The following ADGRA1 variants were observed in gnomAD, a reference collection of about 807,000 sequenced individuals.
ADGRA1 encodes G-protein coupled receptor 123.
A neutral mutation model predicts 21.3 loss-of-function variants in ADGRA1; 12 were observed. That is an observed-to-expected ratio of 0.56 (90% CI 0.36 to 0.91). The LOEUF (loss-of-function observed/expected upper bound fraction) is 0.91, where lower values mean the gene tolerates loss of function less well. Among genes scored for constraint, ADGRA1 ranks in the 40% least tolerant of loss-of-function variants. The pLI, the probability that ADGRA1 is intolerant of heterozygous loss-of-function variation, is 0.01. For synonymous variants in ADGRA1, 385 were observed against 368.8 expected, an observed-to-expected ratio of 1.04 and a Z score of -0.50; for missense variants, 790 against 805.6, an observed-to-expected ratio of 0.98 and a Z score of 0.23.
chr10:133,088,600 G>A, intron 1 of ADGRA1, 108 bp from the exon 2 acceptor site: 1 of 653,502 alleles, frequency 1.5e-6, no homozygotes, highest in Non-Finnish European at 2.1e-6. Context: ...CGCCCGCGGA[G>A]GGGAGGGAGC....
Position 133,093,066 on chromosome 10 carries a change from A to G in ADGRA1, c.4-3908A>G, listed in dbSNP as rs373527067. On this transcript the variant is annotated intron_variant, in intron 2 of 6. Coordinates refer to ENST00000392607, the MANE Select transcript of ADGRA1 (RefSeq NM_001083909.3). ...CGGACACCTCACTGTGTAGGAAAGA[A>G]GGTTCCTCAGCCAGTTGGAGCTGCA... The G allele has an allele frequency of 1.9e-5, 31 of 1,593,806 alleles. No individual in the cohort carries two copies. The African/African-American group carries it at 2.0e-4, about 10-fold the overall frequency.
chr10:133,096,109 G>A (rs911715526), intron 2 of ADGRA1, among the ~76,000 whole-genome samples: 1 of 152,346 alleles, frequency 6.6e-6, no homozygotes, highest in African/African-American at 2.4e-5. Context: ...GCACAGACAT[G>A]TTTCCCACAG....
intron 5 of ADGRA1, among the ~76,000 whole-genome samples, chr10:133,115,197 G>A (rs892807760): frequency 6.6e-6 from 1 of 152,090 alleles, no homozygotes; most frequent in Non-Finnish European, 1.5e-5. Context: ...TCGCCTGAGT[G>A]GGGCTGTCCC....
chr10:133,130,805 TCACA>T lies in ADGRA1; in HGVS notation c.*1300_*1303del, dbSNP rs562535064. 4.8e-5 allele frequency: 7 copies of T among 146,186 alleles called. No homozygotes were observed. The highest frequency in any genetic ancestry group is 1.0e-4 in the African/African-American group (4 of 38,964). 9.1% of individuals were successfully genotyped at this position (146,186 alleles called of 1,614,324 possible). A position where few individuals can be genotyped will look rare whatever the true frequency, so the allele number is the denominator to read the frequency against. On this transcript the variant is annotated 3_prime_UTR_variant, in exon 7 of 7. Transcript: ENST00000392607. ...ACACACATGCACACAAACGTGCATA[TCACA>T]CACACGCACACACACCCAAACACGT...
rs772319353 is a variant in ADGRA1, at chr10:133,128,868, C to T, written c.1040C>T (p.Pro347Leu). Residue 347 changes from proline to leucine, a missense_variant, in exon 7 of 7, where the codon CCG becomes CTG. Physicochemically the swap from Pro to Leu is moderately conservative, Grantham distance 98. Transcript: ENST00000392607. ...GGCCGCGCCGCCTGCCTGCACTCGC[C>T]GGGACTGGGCCAGCCACGGGGCTTC... ...ALGRAACLHSPGLGQPRGFAH... is the reference protein window; with the variant it reads ...ALGRAACLHSLGLGQPRGFAH... The T allele has an allele frequency of 8.2e-6, 13 of 1,575,892 alleles. No individual in the cohort carries two copies. Among genetic ancestry groups the T allele is most frequent in the East Asian group, 2.3e-5 (1 of 43,538 alleles).
At position 133,088,889 on chromosome 10, in the gene ADGRA1, T is replaced by G; in HGVS notation, c.-21T>G. 8.1e-7 allele frequency: 1 copy of G among 1,240,304 alleles called. No homozygotes were observed. The highest frequency in any genetic ancestry group is 1.0e-6 in the Non-Finnish European group (1 of 989,254). 76.8% of individuals were successfully genotyped at this position (1,240,304 alleles called of 1,614,324 possible). A position where few individuals can be genotyped will look rare whatever the true frequency, so the allele number is the denominator to read the frequency against. On this transcript the variant is annotated 5_prime_UTR_variant, in exon 2 of 7. Transcript: ENST00000392607. The stretch of plus-strand genomic sequence containing the variant: ...ACGCCTCCTCCAGCGGCGCTCACGC[T>G]TCCGCAACTTTGCAGCGCTCATGGT...
chr10:133,101,407 G>A (rs779095170), intron 4 of ADGRA1, among the ~76,000 whole-genome samples: 2 of 152,228 alleles, frequency 1.3e-5, no homozygotes, highest in Non-Finnish European at 2.9e-5. Context: ...CCCTGGGTCC[G>A]GCGGGGTGGG....
At chr10:133,104,501 G>C (rs1013839820) in intron 5 of ADGRA1, among the ~76,000 whole-genome samples, 5 of 152,204 alleles carry the variant, frequency 3.3e-5, no homozygotes, top group African/African-American at 9.7e-5. Flanking sequence ...GCGGGCCCGG[G>C]GCTCGGCACT....
rs1311111451 is a variant in ADGRA1 at position 133,088,680 on chromosome 10, G to GT, written c.-202-28_-202-27insT. 7.7e-5 allele frequency: 94 copies of GT among 1,217,014 alleles called. No homozygotes were observed. The Middle Eastern group carries it at 1.3e-3, about 16-fold the overall frequency. 75.4% of individuals were successfully genotyped at this position (1,217,014 alleles called of 1,614,324 possible). ...TGCCCTCCGCGGGGACCCTCCGCCC[G>GT]CCCCGCTGACCGCCGCTGTCTTCAC... On this transcript the variant is annotated intron_variant, in intron 1 of 6. Coordinates refer to ENST00000392607, the MANE Select transcript of ADGRA1 (RefSeq NM_001083909.3).
Position 133,111,889 on chromosome 10 carries a change from A to ACGGGCACCTCCCTCCTAATCCCTC in ADGRA1, c.401+9048_401+9049insGGGCACCTCCCTCCTAATCCCTCC, listed in dbSNP as rs1564849524. Among the ~76,000 whole-genome samples, 24 of 119,658 alleles carry ACGGGCACCTCCCTCCTAATCCCTC rather than the reference A, an allele frequency of 2.0e-4. 1 individual carries two copies. Among genetic ancestry groups the ACGGGCACCTCCCTCCTAATCCCTC allele is most frequent in the Non-Finnish European group, 2.5e-4 (14 of 55,406 alleles). The allele number at this position is 119,658 out of a possible 152,430, so 78.5% of individuals were successfully genotyped here. On this transcript the variant is annotated intron_variant, in intron 5 of 6. Coordinates refer to ENST00000392607, the MANE Select transcript of ADGRA1 (RefSeq NM_001083909.3). The stretch of plus-strand genomic sequence containing the variant: ...AATCCCTCCAGACCACCTGCCCACC[A>ACGGGCACCTCCCTCCTAATCCCTC]CAGACACCTCCCTCCTAATGCCTCC...
At chr10:133,124,603 T>C (rs1852339893) in intron 5 of ADGRA1, among the ~76,000 whole-genome samples, 1 of 152,322 alleles carries the variant, frequency 6.6e-6, no homozygotes, top group African/African-American at 2.4e-5. Flanking sequence ...TTAGACGGGA[T>C]TCGACGTAAC....
intron 2 of ADGRA1, among the ~76,000 whole-genome samples, chr10:133,090,255 G>T (rs11101910): frequency 6.6e-6 from 1 of 152,196 alleles, no homozygotes; most frequent in Non-Finnish European, 1.5e-5. Flanking sequence ...CGCAGGCTGA[G>T]CCTGTTCGTG....
rs1564849641 is a variant in ADGRA1 at position 133,111,933 on chromosome 10, G to GAC, written c.401+9092_401+9093insCA. On this transcript the variant is annotated intron_variant, in intron 5 of 6. Transcript: ENST00000392607. ...TGCCTCCAGACCACCTGCCCGCCGT[G>GAC]AGCACCTCCCTCCTAATCCCTCCAG... 2.2e-3 allele frequency among the ~76,000 whole-genome samples: 51 copies of GAC among 23,118 alleles called. 7 individuals carry two copies. Among genetic ancestry groups the GAC allele is most frequent in the African/African-American group, 3.7e-3 (20 of 5,372 alleles). 15.2% of individuals were successfully genotyped at this position (23,118 alleles called of 152,430 possible). A position where few individuals can be genotyped will look rare whatever the true frequency, so the allele number is the denominator to read the frequency against.
rs1024722769 is a variant in ADGRA1, at chr10:133,088,924, G to A, written c.3+12G>A. 1 of 1,241,540 alleles carries A rather than the reference G, an allele frequency of 8.1e-7. No homozygotes were observed. The highest frequency in any genetic ancestry group is 1.0e-6 in the Non-Finnish European group (1 of 990,470). 76.9% of individuals were successfully genotyped at this position (1,241,540 alleles called of 1,614,324 possible). A position where few individuals can be genotyped will look rare whatever the true frequency, so the allele number is the denominator to read the frequency against. On this transcript the variant is annotated intron_variant, in intron 2 of 6. Transcript: ENST00000392607. ...TTGCAGCGCTCATGGTGAGTACGGGGGTCCCGGGGGTCCTGCAGCTGGGGG... is the reference window on the plus strand; with the variant it reads ...TTGCAGCGCTCATGGTGAGTACGGGAGTCCCGGGGGTCCTGCAGCTGGGGG...
At chr10:133,094,615 T>C (rs939707186) in intron 2 of ADGRA1, among the ~76,000 whole-genome samples, 39 of 152,242 alleles carry the variant, frequency 2.6e-4, no homozygotes, top group African/African-American at 8.9e-4. Context: ...GGCGACTCAC[T>C]GAGGAAATGC....
intron 5 of ADGRA1, among the ~76,000 whole-genome samples, chr10:133,103,280 C>T (rs967194214): frequency 1.3e-5 from 2 of 152,224 alleles, no homozygotes; most frequent in Non-Finnish European, 1.5e-5. Flanking sequence ...ACTGGGGAAA[C>T]GGGCTCTGGT....
At chr10:133,095,280 G>A (rs1164804855) in intron 2 of ADGRA1, among the ~76,000 whole-genome samples, 1 of 152,154 alleles carries the variant, frequency 6.6e-6, no homozygotes, top group Non-Finnish European at 1.5e-5. Flanking sequence ...CTTTACAGAG[G>A]GGCAGAGTGA....
At chr10:133,089,049 G>T in intron 2 of ADGRA1, 137 bp downstream of exon 2, 1 of 1,233,550 alleles carries the variant, frequency 8.1e-7, no homozygotes, top group Non-Finnish European at 1.0e-6. Context: ...CTCAGTGCCG[G>T]GGTGGGAGGC....
At position 133,088,125 on chromosome 10, in the gene ADGRA1, T is replaced by G; in HGVS notation, c.-216T>G. ...GCGGCCCGGCCGCCCCGGCAGCCGCTTCGGCCACAGCAGGTGGGAAGGACG... is the reference window on the plus strand; with the variant it reads ...GCGGCCCGGCCGCCCCGGCAGCCGCGTCGGCCACAGCAGGTGGGAAGGACG... On this transcript the variant is annotated 5_prime_UTR_variant, in exon 1 of 7. Coordinates refer to ENST00000392607, the MANE Select transcript of ADGRA1 (RefSeq NM_001083909.3). 4.1e-6 allele frequency: 4 copies of G among 984,654 alleles called. No individual in the cohort carries two copies. The highest frequency in any genetic ancestry group is 4.8e-6 in the Non-Finnish European group (4 of 829,442). The allele number at this position is 984,654 out of a possible 1,614,324, so 61.0% of individuals were successfully genotyped here. A position where few individuals can be genotyped will look rare whatever the true frequency, so the allele number is the denominator to read the frequency against.
Sources: allele counts gnomAD v4.1 joint callset (sites outside exome capture counted in the v4.1 genomes callset), GRCh38; gene constraint gnomAD v4.1.1; transcripts MANE v1.5; gene names NCBI Gene and HGNC (gene_info 2026-07-23, HGNC 2026-07-21).